KLRB1: variants seen among roughly 807,000 people sequenced by gnomAD.
KLRB1 encodes the protein killer cell lectin like receptor B1, also known as killer cell lectin-like receptor subfamily B member 1.
A neutral mutation model predicts 33.5 loss-of-function variants in KLRB1; 27 were observed. That is an observed-to-expected ratio of 0.81 (90% confidence interval 0.59 to 1.11). The LOEUF (loss-of-function observed/expected upper bound fraction) is 1.11. Among genes scored for constraint, KLRB1 ranks in the 50% most tolerant of loss-of-function variants. The pLI, the probability that KLRB1 is intolerant of heterozygous loss-of-function variation, is 0.00. For missense variants in KLRB1, 241 were observed against 254.1 expected (o/e 0.95, Z 0.35); for synonymous variants, 64 against 88.9 (o/e 0.72, Z 1.58).
At chr12:9,603,752 A>T (rs1864570866) in intron 1 of KLRB1, among the ~76,000 whole-genome samples, 1 of 152,014 alleles carries the variant, frequency 6.6e-6, no homozygotes. Flanking sequence ...TATTACTAAC[A>T]TGAATTTAGT....
chr12:9,607,355 CCTTT>C (rs1184053974), intron 1 of KLRB1, among the ~76,000 whole-genome samples: 13 of 52,772 alleles, frequency 2.5e-4, no homozygotes, highest in African/African-American at 6.7e-4. Flanking sequence ...TTTCTTTCTT[CCTTT>C]CTTTCTTTCT....
chr12:9,597,033 A>G (rs980471696), intron 5 of KLRB1, among the ~76,000 whole-genome samples: 1 of 152,174 alleles, frequency 6.6e-6, no homozygotes, highest in Admixed American at 6.5e-5. Flanking sequence ...TTTATAAAAT[A>G]TTTTAGAATG....
At chr12:9,600,363 G>T (rs966683226) in intron 2 of KLRB1, among the ~76,000 whole-genome samples, 1 of 152,010 alleles carries the variant, frequency 6.6e-6, no homozygotes, top group Non-Finnish European at 1.5e-5. Flanking sequence ...ATGAAAGGCT[G>T]GTATCCAAAG....
intron 1 of KLRB1, among the ~76,000 whole-genome samples, chr12:9,607,335 C>CTTCCTTCCTTCCTTT (rs1491505010): frequency 1.5e-5 from 1 of 65,270 alleles, no homozygotes; most frequent in African/African-American, 4.2e-5. Context: ...CTCTTTCTTT[C>CTTCCTTCCTTCCTTT]CTTTCTTTCT....
chr12:9,596,077 A>C (rs1017041247), intron 5 of KLRB1, among the ~76,000 whole-genome samples: 1 of 152,160 alleles, frequency 6.6e-6, no homozygotes, highest in African/African-American at 2.4e-5. Context: ...ATATAATTCA[A>C]ACAAAGGGAC....
chr12:9,600,877 A>C (rs1334933203), intron 2 of KLRB1, among the ~76,000 whole-genome samples: 2 of 151,904 alleles, frequency 1.3e-5, no homozygotes, highest in African/African-American at 2.4e-5. Context: ...CCCCAGCCCG[A>C]CACCCGTAAA....
chr12:9,601,623 C>CAAAA (rs771628466), intron 1 of KLRB1, 24 bp from the exon 2 acceptor site: 2 of 1,178,394 alleles, frequency 1.7e-6, no homozygotes, highest in South Asian at 2.6e-5. Context: ...AAGAAAAACA[C>CAAAA]AAAAACAAAC....
At chr12:9,601,630 A>T (rs1182146375) in intron 1 of KLRB1, 31 bp from the exon 2 acceptor site, 14 of 1,479,900 alleles carry the variant, frequency 9.5e-6, no homozygotes, top group Non-Finnish European at 1.3e-5. Flanking sequence ...ACACAAAAAC[A>T]AACAAACAAA....
In KLRB1 at chr12:9,597,293, A is replaced by G. The variant is rs77948516; in HGVS notation, c.530+753T>C. ...TTATATTATCTCTTTTGAAAAACTC[A>G]TTAAAAGTTCTTTACAGAAATGTGG... On this transcript the variant is annotated intron_variant, in intron 5 of 5. Transcript: ENST00000229402. 1.0e-3 allele frequency among the ~76,000 whole-genome samples: 153 copies of G among 152,332 alleles called. 2 individuals carry two copies. In the East Asian group the frequency reaches 0.022, roughly 22 times the overall value.
intron 1 of KLRB1, among the ~76,000 whole-genome samples, chr12:9,603,777 A>C (rs1338242209): frequency 6.6e-6 from 1 of 152,080 alleles, no homozygotes; most frequent in Non-Finnish European, 1.5e-5. Context: ...TTCATTACTA[A>C]AGGCTAACAT....
intron 1 of KLRB1, among the ~76,000 whole-genome samples, chr12:9,603,134 A>C (rs1450203923): frequency 6.6e-6 from 1 of 152,164 alleles, no homozygotes; most frequent in African/African-American, 2.4e-5. Flanking sequence ...GGAGGAGTAG[A>C]TACCTAGAGG....
chr12:9,607,702 G>A, intron 1 of KLRB1, 53 bp downstream of exon 1: 2 of 1,139,176 alleles, frequency 1.8e-6, no homozygotes, highest in Non-Finnish European at 2.7e-6. Context: ...GTAACAGGAA[G>A]ATCTAATTCT....
At chr12:9,606,380 A>G (rs1864598054) in intron 1 of KLRB1, 1 of 151,986 alleles carries the variant, frequency 6.6e-6, no homozygotes, top group Non-Finnish European at 1.5e-5. Context: ...GTGTTACCTC[A>G]CATTGGTGTT....
At chr12:9,607,276 C>CTTTT (rs1555097707) in intron 1 of KLRB1, among the ~76,000 whole-genome samples, 5 of 126,700 alleles carry the variant, frequency 3.9e-5, no homozygotes, top group African/African-American at 1.1e-4. Context: ...CCTTTCCTTT[C>CTTTT]TCTCTCTTTC....
intron 1 of KLRB1, among the ~76,000 whole-genome samples, chr12:9,603,529 A>G (rs1024371497): frequency 6.6e-6 from 1 of 151,842 alleles, no homozygotes; most frequent in Non-Finnish European, 1.5e-5. Flanking sequence ...GGTTCAAGCA[A>G]TTCTCTTGCC....
At chr12:9,597,422 A>ATC (rs145485607) in intron 5 of KLRB1, among the ~76,000 whole-genome samples, 145,208 of 152,066 alleles carry the variant, frequency 0.95, 69,699 homozygotes, top group East Asian at 1. Flanking sequence ...CCTGTGTCGC[A>ATC]AATGCCTCAT....
At chr12:9,599,994 A>G (rs1388984991) in intron 2 of KLRB1, among the ~76,000 whole-genome samples, 153 bp from the exon 3 acceptor site, 1 of 143,304 alleles carries the variant, frequency 7.0e-6, no homozygotes, top group Non-Finnish European at 1.6e-5. Flanking sequence ...AAAAAAAAAA[A>G]AAGATCTCAC....
At chr12:9,597,621 ACT>A (rs1232921999) in intron 5 of KLRB1, among the ~76,000 whole-genome samples, 1 of 152,012 alleles carries the variant, frequency 6.6e-6, no homozygotes, top group Non-Finnish European at 1.5e-5. Context: ...TGGGTTCCAC[ACT>A]CTGATATTTA....
At chr12:9,601,380 G>A (rs752715455) in intron 2 of KLRB1, 121 bp downstream of exon 2, 37 of 628,048 alleles carry the variant, frequency 5.9e-5, no homozygotes, top group African/African-American at 5.2e-4. Flanking sequence ...CAAATCTCTC[G>A]TCCCACCTTA....
Sources: allele counts gnomAD v4.1 joint callset (sites outside exome capture counted in the v4.1 genomes callset), GRCh38; gene constraint gnomAD v4.1.1; transcripts MANE v1.5; gene names NCBI Gene and HGNC (gene_info 2026-07-23, HGNC 2026-07-21).